TGM6: variants seen among roughly 807,000 people sequenced by gnomAD.
TGM6 encodes protein-glutamine gamma-glutamyltransferase 6.
TGM6 carries 74 observed loss-of-function variants against 77.5 expected under a neutral mutation model. The observed-to-expected ratio is 0.96, with a 90% CI of 0.79 to 1.16. The LOEUF is 1.16. TGM6 is among the 50% of genes most tolerant of loss of function. The pLI is 0.00. For synonymous variants in TGM6, 383 were observed against 378.9 expected (o/e 1.01, Z -0.12); for missense variants, 968 against 940.2 (o/e 1.03, Z -0.39).
intron 10 of TGM6, among the ~76,000 whole-genome samples, chr20:2,429,967 AG>A (rs977130657): frequency 5.3e-5 from 8 of 152,046 alleles, no homozygotes; most frequent in African/African-American, 1.9e-4. Flanking sequence ...GCCTTCATGG[AG>A]GGGGGCATTT....
intron 4 of TGM6, among the ~76,000 whole-genome samples, chr20:2,397,034 T>A (rs918220783): frequency 2.0e-5 from 3 of 152,160 alleles, no homozygotes; most frequent in African/African-American, 7.2e-5. Flanking sequence ...GCTGCTGGCC[T>A]AAGACCACAC....
At chr20:2,414,644 A>C (rs566844084) in intron 9 of TGM6, among the ~76,000 whole-genome samples, 3 of 152,230 alleles carry the variant, frequency 2.0e-5, no homozygotes, top group Non-Finnish European at 4.4e-5. Flanking sequence ...AATAGATAAA[A>C]AGTAGAAACA....
intron 9 of TGM6, among the ~76,000 whole-genome samples, chr20:2,406,854 A>C (rs970422477): frequency 2.9e-5 from 4 of 137,336 alleles, no homozygotes; most frequent in Admixed American, 7.1e-5. Flanking sequence ...AAAAAAAAAA[A>C]AAAAAAAAAA....
chr20:2,388,987 A>G (rs966828895), intron 1 of TGM6, among the ~76,000 whole-genome samples: 1 of 152,204 alleles, frequency 6.6e-6, no homozygotes, highest in Non-Finnish European at 1.5e-5. Flanking sequence ...TATTCTTTTT[A>G]CAATGGGACA....
intron 9 of TGM6, among the ~76,000 whole-genome samples, chr20:2,409,140 T>A (rs182920841): frequency 3.8e-4 from 58 of 152,314 alleles, no homozygotes; most frequent in South Asian, 1.2e-3. Flanking sequence ...TATAATCTTA[T>A]TCCAATAGAA....
chr20:2,395,497 G>A (rs111891107), intron 3 of TGM6, 61 bp downstream of exon 3: 5 of 1,613,582 alleles, frequency 3.1e-6, no homozygotes, highest in Non-Finnish European at 4.2e-6. Flanking sequence ...AGGAGAGCCT[G>A]CCCTTGGAGG....
chr20:2,383,923 C>T (rs1230840511), intron 1 of TGM6, among the ~76,000 whole-genome samples: 9 of 151,810 alleles, frequency 5.9e-5, no homozygotes, highest in African/African-American at 1.7e-4. Context: ...CTGGCTAACA[C>T]GGTGAAACCC....
At chr20:2,421,237 G>T (rs1450508069) in intron 10 of TGM6, among the ~76,000 whole-genome samples, 1 of 152,094 alleles carries the variant, frequency 6.6e-6, no homozygotes, top group Non-Finnish European at 1.5e-5. Context: ...CACCTGCCTC[G>T]GCCTCCCAAA....
chr20:2,405,629 ACC>A (rs1428166718), intron 9 of TGM6, among the ~76,000 whole-genome samples: 1 of 152,178 alleles, frequency 6.6e-6, no homozygotes, highest in Non-Finnish European at 1.5e-5. Context: ...CTCCATCACA[ACC>A]TGCTGCCATC....
In TGM6 at chr20:2,383,393, C is replaced by T. The variant is rs561904992; in HGVS notation, c.7+2418C>T. ...GGTGGGGATGGGTGGAGAGCTAAGT[C>T]GGCAGGAGGCAATGTTCTGCACATG... On this transcript the variant is annotated intron_variant, in intron 1 of 12. Transcript: ENST00000202625. 2.4e-4 allele frequency among the ~76,000 whole-genome samples: 36 copies of T among 152,204 alleles called. 1 individual carries two copies. The highest frequency in any genetic ancestry group is 8.4e-4 in the African/African-American group (35 of 41,542).
chr20:2,403,313 G>C, intron 7 of TGM6, 84 bp from the exon 8 acceptor site: 2 of 1,436,682 alleles, frequency 1.4e-6, no homozygotes, highest in Admixed American at 1.9e-5. Context: ...GGAAAGTAGG[G>C]AGCCCAGGGC....
rs1206876952 is a variant in TGM6 at position 2,394,511 on chromosome 20, C to T, written c.67C>T (p.Gln23Ter). Residue 23 changes from glutamine (Q) to a stop codon, truncating the protein, a stop_gained, in exon 2 of 13, where the codon CAG becomes TAG. Transcript: ENST00000202625. LOFTEE classifies it high-confidence loss of function. The stretch of plus-strand genomic sequence containing the variant: ...GAGGAATGGCGCTGCCCACCACACC[C>T]AGGAGTACCCCTGCCCTGAGCTGGT... Reference protein sequence around the residue: ...RSRNGAAHHTQEYPCPELVVR... With the variant: ...RSRNGAAHHT The T allele has an allele frequency of 6.2e-7, 1 of 1,611,810 alleles. No homozygotes were observed. Among genetic ancestry groups the T allele is most frequent in the South Asian group, 1.1e-5 (1 of 90,980 alleles).
chr20:2,387,452 G>C (rs1013208613), intron 1 of TGM6, among the ~76,000 whole-genome samples: 1 of 152,228 alleles, frequency 6.6e-6, no homozygotes. Flanking sequence ...AGGGGCTGTA[G>C]GAGCTCCCAA....
chr20:2,396,374 GC>G, intron 3 of TGM6, 131 bp from the exon 4 acceptor site: 1 of 857,036 alleles, frequency 1.2e-6, no homozygotes, highest in East Asian at 2.5e-5. Flanking sequence ...GAGCTCGCAA[GC>G]CCCCTCTTGA....
chr20:2,394,893 A>G (rs1046401912), intron 2 of TGM6, among the ~76,000 whole-genome samples: 12 of 151,706 alleles, frequency 7.9e-5, no homozygotes, highest in Non-Finnish European at 1.2e-4. Context: ...GGGTATGAAA[A>G]CCCGTCAAGC....
intron 10 of TGM6, among the ~76,000 whole-genome samples, chr20:2,417,882 TG>T (rs1389796560): frequency 6.6e-6 from 1 of 152,148 alleles, no homozygotes; most frequent in Admixed American, 6.5e-5. Context: ...AAATACATGC[TG>T]GGGGTATTTC....
At chr20:2,398,557 G>A (rs1296270727) in intron 5 of TGM6, among the ~76,000 whole-genome samples, 1 of 152,080 alleles carries the variant, frequency 6.6e-6, no homozygotes, top group Non-Finnish European at 1.5e-5. Context: ...GCATAGCAAT[G>A]GCTCCCCACC....
rs778490224 is a variant in TGM6 at position 2,397,911 on chromosome 20, G to A, written c.544-7G>A. ...CAGCCTCTAAGCACAGCCTCTCTGG[G>A]GAGCAGTTTGAGGAGGACATCCTGA... is the stretch of plus-strand genomic sequence containing the variant. On this transcript the variant is annotated splice_region_variant and splice_polypyrimidine_tract_variant and intron_variant, in intron 4 of 12. Transcript: ENST00000202625. The A allele has an allele frequency of 2.5e-6, 4 of 1,614,120 alleles. No homozygotes were observed. In the South Asian group the frequency reaches 4.4e-5, roughly 18 times the overall value.
At chr20:2,382,976 A>C (rs2084566504) in intron 1 of TGM6, among the ~76,000 whole-genome samples, 1 of 152,196 alleles carries the variant, frequency 6.6e-6, no homozygotes, top group South Asian at 2.1e-4. Flanking sequence ...ATTGAGTGGA[A>C]TACTGTATGT....
Sources: gnomAD v4.1 joint callset for allele counts (sites outside exome capture counted in the v4.1 genomes callset) on GRCh38, gnomAD v4.1.1 for gene constraint, MANE v1.5 for transcripts, NCBI Gene and HGNC (gene_info 2026-07-23, HGNC 2026-07-21) for gene names.